Variants in ANKRD12 observed in about 807,000 individuals in gnomAD.
ANKRD12 encodes the protein ankyrin repeat domain-containing protein 12.
A neutral mutation model predicts 183.4 loss-of-function variants in ANKRD12; 85 were observed. The observed-to-expected ratio is 0.46, with a 90% CI of 0.39 to 0.56. The LOEUF (loss-of-function observed/expected upper bound fraction) is 0.56, where lower values mean the gene tolerates loss of function less well. Ranked by LOEUF, ANKRD12 falls within the 20% of genes least tolerant of loss-of-function variation. ANKRD12 has a pLI of 0.00. For synonymous variants in ANKRD12, 914 were observed against 800.2 expected (o/e 1.14, Z -2.40); for missense variants, 2,405 against 2,357.1 (o/e 1.02, Z -0.42).
At chr18:9,278,581 G>A (rs894361535) in intron 11 of ANKRD12, among the ~76,000 whole-genome samples, 2 of 152,150 alleles carry the variant, frequency 1.3e-5, no homozygotes, top group African/African-American at 2.4e-5. Context: ...GGCAGATCAC[G>A]AGGTCAGGAG....
intron 5 of ANKRD12, 95 bp from the exon 6 acceptor site, chr18:9,211,489 G>A (rs2035801366): frequency 8.7e-7 from 1 of 1,148,048 alleles, no homozygotes; most frequent in Admixed American, 2.4e-5. Context: ...CATTCCTTGT[G>A]TTTCAGGAGA....
intron 1 of ANKRD12, among the ~76,000 whole-genome samples, chr18:9,179,905 C>G (rs1598471281): frequency 6.6e-6 from 1 of 152,132 alleles, no homozygotes; most frequent in East Asian, 1.9e-4. Flanking sequence ...AGAATGTGGC[C>G]TATCTTGGGG....
At chr18:9,146,543 C>G (rs558278314) in intron 1 of ANKRD12, among the ~76,000 whole-genome samples, 25 of 152,254 alleles carry the variant, frequency 1.6e-4, no homozygotes, top group South Asian at 2.1e-4. Flanking sequence ...AATTAAAAAC[C>G]AACCAAATAC....
chr18:9,244,453 G>A (rs1567958024), intron 8 of ANKRD12, among the ~76,000 whole-genome samples: 2 of 152,020 alleles, frequency 1.3e-5, no homozygotes, highest in African/African-American at 4.8e-5. Flanking sequence ...CTGAGTAGCT[G>A]GGACTATAGA....
At position 9,263,415 on chromosome 18, in the gene ANKRD12, T is replaced by C. The variant is rs141790127; in HGVS notation, c.5665-375T>C. Among the ~76,000 whole-genome samples, 965 of 152,326 alleles carry C rather than the reference T, an allele frequency of 6.3e-3. 7 individuals carry two copies. The highest frequency in any genetic ancestry group is 0.017 in the Middle Eastern group (5 of 294). Reference sequence around the variant, plus strand: ...ACAGACCTCACTATATAGATACCAATTGAACTGCTTTAATCTTTACTAGTG... The same window carrying C: ...ACAGACCTCACTATATAGATACCAACTGAACTGCTTTAATCTTTACTAGTG... On this transcript the variant is annotated intron_variant, in intron 9 of 12. Transcript: ENST00000262126.
chr18:9,141,733 G>A (rs1053615319), intron 1 of ANKRD12, among the ~76,000 whole-genome samples: 1 of 152,104 alleles, frequency 6.6e-6, no homozygotes, highest in South Asian at 2.1e-4. Flanking sequence ...TTCAAAATAT[G>A]TAATAGTTTA....
chr18:9,191,901 C>A (rs1289475319), intron 2 of ANKRD12, among the ~76,000 whole-genome samples: 2 of 152,196 alleles, frequency 1.3e-5, no homozygotes, highest in Non-Finnish European at 2.9e-5. Flanking sequence ...CCCCAGAACC[C>A]ACTGAAATTA....
At position 9,188,870 on chromosome 18, in the gene ANKRD12, G is replaced by A. The variant is rs578225354; in HGVS notation, c.87+6351G>A. On this transcript the variant is annotated intron_variant, in intron 2 of 12. Coordinates refer to ENST00000262126, the MANE Select transcript of ANKRD12 (RefSeq NM_015208.5). ...ACTTACTGGCTTCTCTCCCAACTCCGCCCCTCCTTGGGCCTTCCTATTTCC... is the reference window on the plus strand; with the variant it reads ...ACTTACTGGCTTCTCTCCCAACTCCACCCCTCCTTGGGCCTTCCTATTTCC... 7.9e-5 allele frequency among the ~76,000 whole-genome samples: 12 copies of A among 152,280 alleles called. No individual in the cohort carries two copies. In the East Asian group the frequency reaches 2.1e-3, roughly 27 times the overall value.
chr18:9,270,922 A>G (rs193195402), intron 10 of ANKRD12, among the ~76,000 whole-genome samples: 1 of 152,322 alleles, frequency 6.6e-6, no homozygotes, highest in African/African-American at 2.4e-5. Context: ...AAACAACTTT[A>G]CCGTGTGGTG....
At chr18:9,252,938 A>G (rs1223155551) in intron 8 of ANKRD12, among the ~76,000 whole-genome samples, 1 of 152,212 alleles carries the variant, frequency 6.6e-6, no homozygotes, top group Non-Finnish European at 1.5e-5. Flanking sequence ...AAAAAAGTGC[A>G]TATGTGCAGA....
At chr18:9,188,874 C>T (rs892418312) in intron 2 of ANKRD12, among the ~76,000 whole-genome samples, 1 of 152,214 alleles carries the variant, frequency 6.6e-6, no homozygotes, top group African/African-American at 2.4e-5. Context: ...AACTCCGCCC[C>T]TCCTTGGGCC....
At chr18:9,173,768 G>C (rs2032987378) in intron 1 of ANKRD12, among the ~76,000 whole-genome samples, 1 of 152,182 alleles carries the variant, frequency 6.6e-6, no homozygotes, top group Non-Finnish European at 1.5e-5. Context: ...CTTTTTGGTA[G>C]ATCAGGTGTG....
At position 9,257,007 on chromosome 18, in the gene ANKRD12, C is replaced by T. The variant is rs1056903145; in HGVS notation, c.3740C>T (p.Ser1247Leu). Residue 1247 changes from serine to leucine, a missense_variant, in exon 9 of 13, where the codon TCA becomes TTA. By Grantham distance (145) the Ser-to-Leu change is moderately radical. Around this residue, in one of 7 missense-constraint regions of ANKRD12, gnomAD observed 1,983 missense variants for 1,725.9 expected, o/e 1.15. Coordinates refer to ENST00000262126, the MANE Select transcript of ANKRD12 (RefSeq NM_015208.5). Reference protein sequence around the residue: ...SSESQMSFSQSPFLSIAKSPA... With the variant: ...SSESQMSFSQLPFLSIAKSPA... ...GAATCCCAAATGTCCTTTTCCCAGT[C>T]ACCTTTTTTGTCAATTGCCAAATCT... The T allele has an allele frequency of 1.2e-6, 2 of 1,613,962 alleles. No homozygotes were observed. The highest frequency in any genetic ancestry group is 1.7e-5 in the Admixed American group (1 of 59,986).
rs867271235 is a variant in ANKRD12, at chr18:9,157,559, G to A, written c.-52+20594G>A. On this transcript the variant is annotated intron_variant, in intron 1 of 12. Coordinates refer to ENST00000262126, the MANE Select transcript of ANKRD12 (RefSeq NM_015208.5). ...TTTTATGGTGTGTGTGGGTGTGTGT[G>A]TGTGTGTGTGTGTGTGTGTGTGTGT... 9.7e-3 allele frequency among the ~76,000 whole-genome samples: 1,037 copies of A among 106,900 alleles called. 16 individuals carry two copies. Among genetic ancestry groups the A allele is most frequent in the Admixed American group, 0.024 (264 of 10,954 alleles). 70.1% of individuals were successfully genotyped at this position (106,900 alleles called of 152,430 possible). A position where few individuals can be genotyped will look rare whatever the true frequency, so the allele number is the denominator to read the frequency against.
intron 1 of ANKRD12, among the ~76,000 whole-genome samples, chr18:9,155,980 C>A (rs1044677971): frequency 6.6e-6 from 1 of 151,708 alleles, no homozygotes; most frequent in Non-Finnish European, 1.5e-5. Context: ...ACTAAAAATG[C>A]AAAAATTAGC....
chr18:9,268,085 G>C lies in ANKRD12; in HGVS notation c.5763+4197G>C, dbSNP rs2039401685. 2.0e-5 allele frequency among the ~76,000 whole-genome samples: 3 copies of C among 152,220 alleles called. No individual in the cohort carries two copies. The South Asian group carries it at 6.2e-4, about 32-fold the overall frequency. On this transcript the variant is annotated intron_variant, in intron 10 of 12. Coordinates refer to ENST00000262126, the MANE Select transcript of ANKRD12 (RefSeq NM_015208.5). The stretch of plus-strand genomic sequence containing the variant: ...TAAACCAGGAAGAAGTTGAATCTCT[G>C]AATAGACCAATAACAGGCTCTGAAA...
At chr18:9,170,618 T>C (rs1175838262) in intron 1 of ANKRD12, among the ~76,000 whole-genome samples, 1 of 152,204 alleles carries the variant, frequency 6.6e-6, no homozygotes, top group Admixed American at 6.5e-5. Flanking sequence ...TCAATTTTTT[T>C]TTCAAAGCTT....
In ANKRD12 at chr18:9,258,651, C is replaced by T; in HGVS notation, c.5384C>T (p.Pro1795Leu). 2 of 1,613,922 alleles carry T rather than the reference C, an allele frequency of 1.2e-6. No homozygotes were observed. Among genetic ancestry groups the T allele is most frequent in the South Asian group, 2.2e-5 (2 of 91,050 alleles). Residue 1795 changes from proline (P) to leucine (L), a missense_variant, in exon 9 of 13, where the codon CCT becomes CTT. Around this residue, in one of 7 missense-constraint regions of ANKRD12, gnomAD observed 1,983 missense variants for 1,725.9 expected, o/e 1.15. Coordinates refer to ENST00000262126, the MANE Select transcript of ANKRD12 (RefSeq NM_015208.5). ...AGGAAAGTGTCACGTGTACCTCAGC[C>T]TGTGCAAGTGAGTCCCTCTTTACTA... ...RKRKVSRVPQ[P>L]VQVSPSLLQA... is the part of the protein sequence containing the mutation.
At chr18:9,183,303 T>C (rs1204980001) in intron 2 of ANKRD12, among the ~76,000 whole-genome samples, 2 of 152,224 alleles carry the variant, frequency 1.3e-5, no homozygotes, top group African/African-American at 4.8e-5. Flanking sequence ...GGGAATTTTA[T>C]TGAATTTTTT....
Sources: allele counts gnomAD v4.1 joint callset (sites outside exome capture counted in the v4.1 genomes callset), GRCh38; gene constraint gnomAD v4.1.1; regional missense constraint gnomAD v4.1.1; transcripts MANE v1.5; gene names NCBI Gene and HGNC (gene_info 2026-07-23, HGNC 2026-07-21).